Variants in EDIL3 observed in about 807,000 individuals in gnomAD.
The protein encoded by EDIL3 is EGF-like repeat and discoidin I-like domain-containing protein 3.
EDIL3 carries 37 observed loss-of-function variants against 67.4 expected under a neutral mutation model. The ratio of observed to expected loss-of-function variants is 0.55; its 90% confidence interval spans 0.42 to 0.72. The LOEUF (loss-of-function observed/expected upper bound fraction) is 0.72, where lower values mean the gene tolerates loss of function less well. EDIL3 is among the 30% of genes least tolerant of loss of function. EDIL3 has a pLI of 0.00. For missense variants in EDIL3, 527 were observed against 586.3 expected (o/e 0.90, Z 1.04); for synonymous variants, 195 against 196.3 (o/e 0.99, Z 0.05).
chr5:84,227,207 A>C (rs1744467944), intron 3 of EDIL3, among the ~76,000 whole-genome samples: 1 of 152,048 alleles, frequency 6.6e-6, no homozygotes, highest in African/African-American at 2.4e-5. Flanking sequence ...GAAGTCTAAC[A>C]TCCAGAATCT....
chr5:84,254,302 G>T, intron 1 of EDIL3, 90 bp from the exon 2 acceptor site: 1 of 1,389,938 alleles, frequency 7.2e-7, no homozygotes, highest in Non-Finnish European at 9.6e-7. Flanking sequence ...ATGTTCCCTT[G>T]GCAAAGTCAA....
chr5:84,123,480 C>T (rs1747813995), intron 5 of EDIL3, among the ~76,000 whole-genome samples: 1 of 151,798 alleles, frequency 6.6e-6, no homozygotes, highest in African/African-American at 2.4e-5. Context: ...ATCATATTCA[C>T]GTTAATGTAG....
At chr5:84,137,184 TACACAC>T (rs70975542) in intron 5 of EDIL3, 51 bp downstream of exon 5, 41,818 of 899,962 alleles carry the variant, frequency 0.046, 750 homozygotes, top group East Asian at 0.11. Context: ...TGTGTATACA[TACACAC>T]ACACACACAC....
At position 84,251,028 on chromosome 5, in the gene EDIL3, A is replaced by T. The variant is rs1194437920; in HGVS notation, c.196+3056T>A. On this transcript the variant is annotated intron_variant, in intron 2 of 10. Transcript: ENST00000296591. ...TTGTTTGTTTTTTAAATTCCAATACACTCTGTTTCCTGCATTGGTGCTAGA... is the reference window on the plus strand; with the variant it reads ...TTGTTTGTTTTTTAAATTCCAATACTCTCTGTTTCCTGCATTGGTGCTAGA... 3.3e-5 allele frequency among the ~76,000 whole-genome samples: 5 copies of T among 152,174 alleles called. No individual in the cohort carries two copies. The East Asian group carries it at 9.7e-4, about 29-fold the overall frequency.
chr5:84,010,416 T>C (rs1277511481), intron 9 of EDIL3, among the ~76,000 whole-genome samples: 1 of 152,226 alleles, frequency 6.6e-6, no homozygotes, highest in Non-Finnish European at 1.5e-5. Flanking sequence ...GCAAGGCTGC[T>C]AATTTTCTCC....
chr5:84,097,123 A>G (rs1237205894), intron 6 of EDIL3, among the ~76,000 whole-genome samples: 2 of 152,118 alleles, frequency 1.3e-5, no homozygotes, highest in African/African-American at 4.8e-5. Context: ...ACACCAAGTG[A>G]CCCATGGTTT....
intron 2 of EDIL3, among the ~76,000 whole-genome samples, chr5:84,252,515 A>AAAAAAAAAAAAAAAAAAAAAAAG (rs1344274461): frequency 6.7e-6 from 1 of 149,274 alleles, no homozygotes; most frequent in Non-Finnish European, 1.5e-5. Flanking sequence ...AAAAAAAAAA[A>AAAAAAAAAAAAAAAAAAAAAAAG]AAATTCTGCT....
chr5:84,201,962 ATTGTG>A (rs1026133427), intron 3 of EDIL3, among the ~76,000 whole-genome samples: 8 of 152,120 alleles, frequency 5.3e-5, no homozygotes, highest in African/African-American at 1.9e-4. Flanking sequence ...AAAATAAAAA[ATTGTG>A]TTGTAAAGAG....
At chr5:84,299,714 CTTTGT>C (rs1451675665) in intron 1 of EDIL3, among the ~76,000 whole-genome samples, 1 of 152,076 alleles carries the variant, frequency 6.6e-6, no homozygotes, top group Non-Finnish European at 1.5e-5. Context: ...TAGTAATTGC[CTTTGT>C]TTTAATGTAC....
chr5:84,128,443 C>A (rs1374194020), intron 5 of EDIL3, among the ~76,000 whole-genome samples: 1 of 151,658 alleles, frequency 6.6e-6, no homozygotes, highest in Admixed American at 6.6e-5. Context: ...CCTAAGTACC[C>A]AAGAACGCCA....
At chr5:84,328,170 ATG>A in intron 1 of EDIL3, among the ~76,000 whole-genome samples, 1 of 152,174 alleles carries the variant, frequency 6.6e-6, no homozygotes, top group Non-Finnish European at 1.5e-5. Context: ...ATAAATAAAC[ATG>A]TCATATGCAG....
At chr5:84,154,578 A>AT (rs199905974) in intron 4 of EDIL3, among the ~76,000 whole-genome samples, 154 of 142,484 alleles carry the variant, frequency 1.1e-3, no homozygotes, top group African/African-American at 1.5e-3. Flanking sequence ...GGAATATTTA[A>AT]TTTTTTTTTT....
chr5:84,041,620 GCA>G (rs765142021), intron 9 of EDIL3, among the ~76,000 whole-genome samples: 30 of 145,444 alleles, frequency 2.1e-4, no homozygotes, highest in South Asian at 4.3e-4. Flanking sequence ...ACATATATAT[GCA>G]CACACACATA....
intron 5 of EDIL3, among the ~76,000 whole-genome samples, chr5:84,126,233 T>C (rs550582623): frequency 3.9e-5 from 6 of 152,082 alleles, no homozygotes; most frequent in Non-Finnish European, 8.8e-5. Context: ...GGACTGGACA[T>C]TCAATGAAAA....
At chr5:84,348,782 TATC>T (rs1222315324) in intron 1 of EDIL3, among the ~76,000 whole-genome samples, 2 of 152,100 alleles carry the variant, frequency 1.3e-5, no homozygotes, top group Non-Finnish European at 2.9e-5. Flanking sequence ...AAGGCATAAG[TATC>T]ATAATATTTT....
chr5:84,281,843 A>G (rs1391458053), intron 1 of EDIL3, among the ~76,000 whole-genome samples: 5 of 148,050 alleles, frequency 3.4e-5, no homozygotes, highest in Non-Finnish European at 7.4e-5. Flanking sequence ...AGCATATTCA[A>G]CTTTTATTTC....
At chr5:84,382,206 TCTC>T (rs753130581) in intron 1 of EDIL3, among the ~76,000 whole-genome samples, 3 of 152,128 alleles carry the variant, frequency 2.0e-5, no homozygotes, top group Non-Finnish European at 2.9e-5. Flanking sequence ...AAGGGAGAAA[TCTC>T]CTGAAGAATA....
chr5:84,341,614 T>C (rs1022979219), intron 1 of EDIL3, among the ~76,000 whole-genome samples: 5 of 152,066 alleles, frequency 3.3e-5, no homozygotes, highest in Non-Finnish European at 5.9e-5. Context: ...CATACAATCA[T>C]CTCAAATCCT....
chr5:84,058,689 G>A (rs1247971697), intron 9 of EDIL3, among the ~76,000 whole-genome samples: 1 of 152,106 alleles, frequency 6.6e-6, no homozygotes, highest in Non-Finnish European at 1.5e-5. Context: ...GAGGATGGAG[G>A]AAAATAGAAA....
Sources: gnomAD v4.1 joint callset for allele counts (sites outside exome capture counted in the v4.1 genomes callset) on GRCh38, gnomAD v4.1.1 for gene constraint, MANE v1.5 for transcripts, NCBI Gene and HGNC (gene_info 2026-07-23, HGNC 2026-07-21) for gene names.